Variants in TANGO2 observed in about 807,000 individuals in gnomAD.
The protein encoded by TANGO2 is transport and Golgi organization protein 2 homolog.
In TANGO2, 26 loss-of-function variants were observed where a neutral mutation model predicts 39.1. The observed-to-expected ratio is 0.67, with a 90% CI of 0.49 to 0.92. TANGO2 has a LOEUF of 0.92. TANGO2 is among the 40% of genes least tolerant of loss of function. The pLI is 0.00. For missense variants in TANGO2, 326 were observed against 360.1 expected (o/e 0.91, Z 0.77); for synonymous variants, 131 against 144.5 (o/e 0.91, Z 0.67).
chr22:20,044,912 A>C (rs1020343092), intron 3 of TANGO2, among the ~76,000 whole-genome samples: 1 of 152,188 alleles, frequency 6.6e-6, no homozygotes, highest in African/African-American at 2.4e-5. Context: ...AACTAGTGCC[A>C]ACCCCAGCAG....
chr22:20,054,787 C>T (rs907497772), intron 5 of TANGO2: 2 of 152,482 alleles, frequency 1.3e-5, no homozygotes, highest in African/African-American at 2.4e-5. Flanking sequence ...GGGAGAGAGG[C>T]TTGTCATGGC....
intron 6 of TANGO2, chr22:20,056,469 GTCCCCA>G (rs775583776): frequency 1.1e-5 from 5 of 458,722 alleles, no homozygotes; most frequent in South Asian, 7.7e-5. Flanking sequence ...CTGATCCCCG[GTCCCCA>G]TCCTCAGGGC....
chr22:20,038,294 G>A (rs2043236249), intron 2 of TANGO2, among the ~76,000 whole-genome samples: 1 of 152,186 alleles, frequency 6.6e-6, no homozygotes, highest in African/African-American at 2.4e-5. Context: ...AATAGTGTCT[G>A]TTGTTGCAGC....
In TANGO2 at chr22:20,056,575, A is replaced by T; in HGVS notation, c.451+562A>T. On this transcript the variant is annotated intron_variant, in intron 6 of 8. Transcript: ENST00000327374. ...CTGCCCAGGCTGTGCCTCCTGCTACATGCCCTTCCTTTCCCCCTCCTCGGG... is the reference window on the plus strand; with the variant it reads ...CTGCCCAGGCTGTGCCTCCTGCTACTTGCCCTTCCTTTCCCCCTCCTCGGG... 4 of 456,656 alleles carry T rather than the reference A, an allele frequency of 8.8e-6. 1 individual carries two copies. The highest frequency in any genetic ancestry group is 6.2e-5 in the South Asian group (4 of 64,548). The allele number at this position is 456,656 out of a possible 1,614,324, so 28.3% of individuals were successfully genotyped here. A position where few individuals can be genotyped will look rare whatever the true frequency, so the allele number is the denominator to read the frequency against.
rs746501914 is a variant in TANGO2 at position 20,043,430 on chromosome 22, C to T, written c.132C>T (p.Asn44=). The part of the protein sequence containing the change: ...SKLADFWGNN[N]EILSGLDMEE... ...TAGCTGACTTCTGGGGGAACAACAA[C>T]GAGATCCTCAGTGGTGAGTCTTCCT... Residue 44 remains asparagine (N), a synonymous_variant, in exon 3 of 9, where the codon AAC becomes AAT. Transcript: ENST00000327374. 41 of 1,612,630 alleles carry T rather than the reference C, an allele frequency of 2.5e-5. No individual in the cohort carries two copies. Among genetic ancestry groups the T allele is most frequent in the South Asian group, 1.1e-5 (1 of 91,002 alleles).
chr22:20,032,585 AGGACAT>A (rs148633013), intron 1 of TANGO2, among the ~76,000 whole-genome samples: 14 of 152,352 alleles, frequency 9.2e-5, no homozygotes, highest in African/African-American at 3.4e-4. Flanking sequence ...TGGACTGCCA[AGGACAT>A]GCTGAGAGTT....
chr22:20,020,284 C>A (rs2039471597), upstream of TANGO2, among the ~76,000 whole-genome samples: 1 of 152,206 alleles, frequency 6.6e-6, no homozygotes, highest in African/African-American at 2.4e-5. Context: ...TTTTTGAATG[C>A]TCACTTTGAG....
At chr22:20,063,623 G>A in intron 8 of TANGO2, 181 bp downstream of exon 8, 1 of 598,044 alleles carries the variant, frequency 1.7e-6, no homozygotes, top group Non-Finnish European at 2.9e-6. Flanking sequence ...CAGGCTCCCG[G>A]GGCCCCACAG....
At chr22:20,032,395 G>A (rs778844044) in intron 1 of TANGO2, among the ~76,000 whole-genome samples, 1 of 152,268 alleles carries the variant, frequency 6.6e-6, no homozygotes, top group Non-Finnish European at 1.5e-5. Context: ...GAGACTGGGC[G>A]TGGCTTCCTG....
chr22:20,060,725 T>A (rs1319470031), intron 6 of TANGO2, among the ~76,000 whole-genome samples: 5 of 151,984 alleles, frequency 3.3e-5, no homozygotes, highest in Non-Finnish European at 5.9e-5. Context: ...CCAGGCTGTC[T>A]CCCTGGGAAA....
At chr22:20,058,656 CAAAG>C (rs1007711928) in intron 6 of TANGO2, among the ~76,000 whole-genome samples, 4 of 144,174 alleles carry the variant, frequency 2.8e-5, no homozygotes, top group East Asian at 2.0e-4. Context: ...AAAAAAAAAA[CAAAG>C]AAAAACTCAC....
chr22:20,018,167 G>A (rs1023876342), upstream of TANGO2, among the ~76,000 whole-genome samples: 13 of 152,268 alleles, frequency 8.5e-5, no homozygotes, highest in African/African-American at 3.1e-4. Context: ...TGGCAGCATG[G>A]TGAATCGATC....
intron 8 of TANGO2, among the ~76,000 whole-genome samples, chr22:20,063,830 T>G (rs1387624036): frequency 1.3e-5 from 2 of 152,216 alleles, no homozygotes; most frequent in Non-Finnish European, 2.9e-5. Flanking sequence ...AGGGTGTCAT[T>G]TCCTTCAGCC....
At chr22:20,033,229 G>T in intron 1 of TANGO2, 3 of 528,594 alleles carry the variant, frequency 5.7e-6, no homozygotes, top group South Asian at 1.4e-5. Context: ...CAATGACCGC[G>T]TCTTCGTCGA....
chr22:20,032,074 C>G (rs2146942530), intron 1 of TANGO2, among the ~76,000 whole-genome samples: 1 of 152,382 alleles, frequency 6.6e-6, no homozygotes, highest in Non-Finnish European at 1.5e-5. Flanking sequence ...GCAGAGCACA[C>G]AGCACAGGGA....
At chr22:20,031,463 G>A (rs1159288018) in intron 1 of TANGO2, among the ~76,000 whole-genome samples, 1 of 152,206 alleles carries the variant, frequency 6.6e-6, no homozygotes, top group African/African-American at 2.4e-5. Flanking sequence ...GTCGGTGGCA[G>A]GACATTTGCC....
At chr22:20,037,165 G>A in intron 2 of TANGO2, 3 of 1,467,024 alleles carry the variant, frequency 2.0e-6, no homozygotes, top group Non-Finnish European at 2.7e-6. Context: ...TCGGGCGGCA[G>A]AACTGGGACA....
intron 1 of TANGO2, among the ~76,000 whole-genome samples, chr22:20,026,353 G>A (rs527474620): frequency 3.3e-5 from 5 of 151,740 alleles, no homozygotes; most frequent in African/African-American, 9.7e-5. Flanking sequence ...AGCTGAGATC[G>A]CGCCGTTGAA....
intron 1 of TANGO2, among the ~76,000 whole-genome samples, chr22:20,029,275 C>T (rs1454059852): frequency 6.6e-6 from 1 of 152,152 alleles, no homozygotes; most frequent in Non-Finnish European, 1.5e-5. Flanking sequence ...AGCGGGGTGG[C>T]TCTCAGAAGC....
Sources: allele counts gnomAD v4.1 joint callset (sites outside exome capture counted in the v4.1 genomes callset), GRCh38; gene constraint gnomAD v4.1.1; transcripts MANE v1.5; gene names NCBI Gene and HGNC (gene_info 2026-07-23, HGNC 2026-07-21).